Variants in PDE12 observed in about 807,000 individuals in gnomAD.
PDE12 encodes the protein 2',5'-phosphodiesterase 12.
In PDE12, 26 loss-of-function variants were observed where a neutral mutation model predicts 45.4. The observed-to-expected ratio is 0.57, with a 90% CI of 0.42 to 0.79. The LOEUF (loss-of-function observed/expected upper bound fraction) is 0.79. Ranked by LOEUF, PDE12 falls within the 30% of genes least tolerant of loss-of-function variation. The probability of loss-of-function intolerance (pLI) is 0.00; values close to 1 mark genes in which losing one functional copy is unlikely to be tolerated. For synonymous variants in PDE12, 283 were observed against 323.9 expected (o/e 0.87, Z 1.36); for missense variants, 668 against 790.0 (o/e 0.85, Z 1.85).
At chr3:57,638,095 C>T in the PDE12 span, among the ~76,000 whole-genome samples, 1 of 151,952 alleles carries the variant, frequency 6.6e-6, no homozygotes, top group East Asian at 1.9e-4. Context: ...GATCATGCCA[C>T]CGTACTCCAG....
chr3:57,572,123 G>T, the PDE12 span: 1 of 1,029,684 alleles, frequency 9.7e-7, no homozygotes, highest in Non-Finnish European at 1.5e-6. Context: ...CCCAGATACT[G>T]TTTAATAACC....
At chr3:57,587,374 T>C in the PDE12 span, among the ~76,000 whole-genome samples, 1 of 143,718 alleles carries the variant, frequency 7.0e-6, no homozygotes, top group Non-Finnish European at 1.5e-5. Context: ...AAGAAAAGAA[T>C]TGAAGAAATC....
chr3:57,610,558 T>C, the PDE12 span, among the ~76,000 whole-genome samples: 1 of 152,092 alleles, frequency 6.6e-6, no homozygotes, highest in Admixed American at 6.6e-5. Context: ...AAAATCAATA[T>C]GCAAAAATCA....
the PDE12 span, chr3:57,597,140 T>C: frequency 1.2e-6 from 2 of 1,613,822 alleles, no homozygotes; most frequent in Non-Finnish European, 8.5e-7. Flanking sequence ...GTGAGGCCCA[T>C]GGCGGTAGTG....
chr3:57,587,356 T>C, the PDE12 span, among the ~76,000 whole-genome samples: 7 of 106,034 alleles, frequency 6.6e-5, no homozygotes, highest in African/African-American at 2.5e-4. Context: ...AATCCAAAAA[T>C]ACTGACAAAG....
At chr3:57,604,612 T>G in the PDE12 span, among the ~76,000 whole-genome samples, 2 of 37,188 alleles carry the variant, frequency 5.4e-5, no homozygotes, top group South Asian at 2.1e-3. Flanking sequence ...TTTTTTTTTT[T>G]TTTTTGGGGG....
chr3:57,650,580 G>A, the PDE12 span, among the ~76,000 whole-genome samples: 3 of 151,946 alleles, frequency 2.0e-5, no homozygotes, highest in East Asian at 1.9e-4. Flanking sequence ...AAGAACAAAG[G>A]CTTTTTAGAG....
At chr3:57,567,526 T>A (rs2069796808), downstream of PDE12, among the ~76,000 whole-genome samples, 1 of 152,106 alleles carries the variant, frequency 6.6e-6, no homozygotes, top group South Asian at 2.1e-4. Context: ...CCATTTAAGA[T>A]AAAGGGATAG....
At chr3:57,597,596 T>G in the PDE12 span, 1 of 159,152 alleles carries the variant, frequency 6.3e-6, no homozygotes, top group East Asian at 1.9e-4. Flanking sequence ...AGAGGCCGGC[T>G]GAGGCACATG....
At chr3:57,598,767 C>T in the PDE12 span, among the ~76,000 whole-genome samples, 3 of 151,992 alleles carry the variant, frequency 2.0e-5, no homozygotes, top group Admixed American at 1.3e-4. Context: ...GGCGACAGAG[C>T]GAGACTGTCT....
At chr3:57,638,172 G>T in the PDE12 span, among the ~76,000 whole-genome samples, 2 of 151,244 alleles carry the variant, frequency 1.3e-5, no homozygotes, top group Non-Finnish European at 2.9e-5. Flanking sequence ...GTGCATCAAA[G>T]GACACCATCA....
the PDE12 span, among the ~76,000 whole-genome samples, chr3:57,592,769 G>A: frequency 6.6e-6 from 1 of 152,148 alleles, no homozygotes; most frequent in Non-Finnish European, 1.5e-5. Flanking sequence ...ATAATCAGAA[G>A]AGCCTGTTTT....
downstream of PDE12, chr3:57,571,336 T>C (rs1424222721): frequency 2.0e-5 from 3 of 152,436 alleles, no homozygotes; most frequent in Non-Finnish European, 4.4e-5. Context: ...TTCAAATACC[T>C]TCAAAACTCA....
At chr3:57,645,787 G>A in the PDE12 span, 1 of 1,536,154 alleles carries the variant, frequency 6.5e-7, no homozygotes, top group South Asian at 1.1e-5. Context: ...GTAAAATAAA[G>A]GACACAGAAA....
the PDE12 span, among the ~76,000 whole-genome samples, chr3:57,622,260 T>C: frequency 6.6e-6 from 1 of 152,150 alleles, no homozygotes; most frequent in Non-Finnish European, 1.5e-5. Flanking sequence ...AGTTACATAA[T>C]AAGCAAAAGG....
the PDE12 span, among the ~76,000 whole-genome samples, chr3:57,642,233 G>A: frequency 1.4e-5 from 2 of 144,708 alleles, no homozygotes; most frequent in Non-Finnish European, 3.0e-5. Context: ...AGAATTGCTT[G>A]AAACCAGGAG....
chr3:57,653,197 C>G, the PDE12 span, among the ~76,000 whole-genome samples: 1 of 152,086 alleles, frequency 6.6e-6, no homozygotes, highest in Non-Finnish European at 1.5e-5. Flanking sequence ...ATGAAAAAGG[C>G]CTACATGAAA....
chr3:57,633,327 C>A, the PDE12 span: 1 of 1,613,702 alleles, frequency 6.2e-7, no homozygotes. Flanking sequence ...ACACTTTGAG[C>A]CTCAGAAGGA....
chr3:57,591,498 A>C, the PDE12 span, among the ~76,000 whole-genome samples: 1,527 of 146,388 alleles, frequency 0.01, 13 homozygotes, highest in Non-Finnish European at 0.017. Flanking sequence ...ACAGAGTCTC[A>C]CTCTGTCACC....
Sources: gnomAD v4.1 joint callset for allele counts (sites outside exome capture counted in the v4.1 genomes callset) on GRCh38, gnomAD v4.1.1 for gene constraint, MANE v1.5 for transcripts, NCBI Gene and HGNC (gene_info 2026-07-23, HGNC 2026-07-21) for gene names.